EXT1: variants seen among roughly 807,000 people sequenced by gnomAD.
EXT1 encodes exostosin glycosyltransferase 1.
In EXT1, 20 loss-of-function variants were observed where a neutral mutation model predicts 82.5. That is an observed-to-expected ratio of 0.24 (90% CI 0.17 to 0.35). The LOEUF (loss-of-function observed/expected upper bound fraction) is 0.35. Ranked by LOEUF, EXT1 falls within the 10% of genes least tolerant of loss-of-function variation. The pLI, the probability that EXT1 is intolerant of heterozygous loss-of-function variation, is 1.00. For missense variants in EXT1, 757 were observed against 936.5 expected (o/e 0.81, Z 2.50); for synonymous variants, 348 against 350.8 (o/e 0.99, Z 0.09).
chr8:118,072,880 T>C (rs1362413131), intron 1 of EXT1, among the ~76,000 whole-genome samples: 3 of 152,222 alleles, frequency 2.0e-5, no homozygotes, highest in African/African-American at 4.8e-5. Context: ...GACTTACTAA[T>C]GGGTTACGGG....
intron 1 of EXT1, among the ~76,000 whole-genome samples, chr8:118,063,486 A>AC (rs1163182498): frequency 6.6e-6 from 1 of 152,264 alleles, no homozygotes; most frequent in Non-Finnish European, 1.5e-5. Context: ...CACAGTCTGG[A>AC]CAGAGGTGAA....
chr8:117,986,195 T>TC (rs11406378), intron 1 of EXT1, among the ~76,000 whole-genome samples: 1,506 of 147,144 alleles, frequency 0.01, 24 homozygotes, highest in African/African-American at 0.033. Flanking sequence ...TTCTTTTTTT[T>TC]TTTTTTTTTT....
chr8:117,839,469 C>T (rs558139353), intron 1 of EXT1, among the ~76,000 whole-genome samples: 11 of 152,116 alleles, frequency 7.2e-5, no homozygotes, highest in African/African-American at 1.7e-4. Flanking sequence ...TATATACATA[C>T]GTATCTGTTC....
intron 1 of EXT1, among the ~76,000 whole-genome samples, chr8:117,850,469 T>C (rs1047024894): frequency 2.0e-5 from 3 of 152,196 alleles, no homozygotes; most frequent in Admixed American, 2.0e-4. Flanking sequence ...TTTGGAATTA[T>C]AAAAGTTTTG....
At position 118,110,900 on chromosome 8, in the gene EXT1, G is replaced by A. The variant is rs1248782526; in HGVS notation, c.147C>T (p.Pro49=). 1 of 1,614,094 alleles carries A rather than the reference G, an allele frequency of 6.2e-7. No individual in the cohort carries two copies. ...EHSGRNGLHH[P]SPDHFWPRFP... ...AGCGGGGCCAGAAATGATCCGGACT[G>A]GGGTGGTGCAAGCCATTCCTACCGC... The change falls in exon 1 of 11, where the codon CCC becomes CCT. Residue 49 remains proline (P), a synonymous_variant. Transcript: ENST00000378204.
chr8:117,873,810 T>C (rs534668524), intron 1 of EXT1, among the ~76,000 whole-genome samples: 55 of 152,208 alleles, frequency 3.6e-4, no homozygotes, highest in African/African-American at 1.2e-3. Flanking sequence ...CCCAATAGGA[T>C]TGGGGTGATT....
chr8:118,086,124 G>A (rs915419825), intron 1 of EXT1, among the ~76,000 whole-genome samples: 3 of 152,152 alleles, frequency 2.0e-5, no homozygotes, highest in Non-Finnish European at 2.9e-5. Flanking sequence ...ATAAAAAGGT[G>A]GGAAGAGGAA....
At chr8:117,820,234 G>A (rs1426408832) in intron 5 of EXT1, among the ~76,000 whole-genome samples, 1 of 152,212 alleles carries the variant, frequency 6.6e-6, no homozygotes, top group African/African-American at 2.4e-5. Flanking sequence ...GGGAAAAAAG[G>A]TGAAAGGAAG....
At chr8:118,030,764 G>A (rs776928170) in intron 1 of EXT1, among the ~76,000 whole-genome samples, 1 of 152,182 alleles carries the variant, frequency 6.6e-6, no homozygotes, top group African/African-American at 2.4e-5. Context: ...TTACAGGCAT[G>A]AACCACCGTG....
intron 7 of EXT1, among the ~76,000 whole-genome samples, chr8:117,815,326 G>A (rs1043945190): frequency 6.6e-6 from 1 of 152,184 alleles, no homozygotes; most frequent in Admixed American, 6.5e-5. Flanking sequence ...ATTTTAAAAT[G>A]GAGAATGAGG....
chr8:117,969,243 C>T (rs539590675), intron 1 of EXT1, among the ~76,000 whole-genome samples: 115 of 152,268 alleles, frequency 7.6e-4, no homozygotes, highest in African/African-American at 2.6e-3. Flanking sequence ...CAAGAAGATC[C>T]TTTTATACTA....
chr8:118,098,338 C>T (rs1362457625), intron 1 of EXT1, among the ~76,000 whole-genome samples: 1 of 152,114 alleles, frequency 6.6e-6, no homozygotes, highest in East Asian at 1.9e-4. Context: ...CTCCCTTCTC[C>T]AAACCCTAAC....
At chr8:117,934,377 C>T (rs963254445) in intron 1 of EXT1, among the ~76,000 whole-genome samples, 1 of 152,198 alleles carries the variant, frequency 6.6e-6, no homozygotes, top group African/African-American at 2.4e-5. Context: ...AGGCGCAGTC[C>T]ATGCGCCTCT....
chr8:117,977,433 G>A (rs1387634237), intron 1 of EXT1, among the ~76,000 whole-genome samples: 3 of 150,142 alleles, frequency 2.0e-5, no homozygotes, highest in Non-Finnish European at 4.4e-5. Context: ...GGCCCACTCA[G>A]CAGAGACATC....
intron 1 of EXT1, among the ~76,000 whole-genome samples, chr8:117,868,561 C>T (rs1422559276): frequency 6.6e-6 from 1 of 152,154 alleles, no homozygotes. Flanking sequence ...AAGAAATCCT[C>T]CCACCTCAGC....
chr8:117,859,796 A>G (rs1333673380), intron 1 of EXT1, among the ~76,000 whole-genome samples: 8 of 152,250 alleles, frequency 5.3e-5, no homozygotes, highest in Admixed American at 5.2e-4. Flanking sequence ...TGGATTAAAT[A>G]AATGGTGGTA....
chr8:118,026,914 C>T (rs1816212696), intron 1 of EXT1, among the ~76,000 whole-genome samples: 1 of 152,104 alleles, frequency 6.6e-6, no homozygotes, highest in African/African-American at 2.4e-5. Flanking sequence ...GGTAATGACC[C>T]CATGCACAGC....
chr8:117,998,561 T>C (rs1167123710), intron 1 of EXT1, among the ~76,000 whole-genome samples: 3 of 152,226 alleles, frequency 2.0e-5, no homozygotes, highest in East Asian at 3.8e-4. Context: ...GTGCTGGGAT[T>C]ACAGGCATGA....
chr8:118,110,203 C>T lies in EXT1; in HGVS notation c.844G>A (p.Ala282Thr). ...TCCCCGTTATGGACGTGATATAAGG[C>T]ATTCCTGGTGTCTGATCCTATCCCT... ...LTGIGSDTRN[A>T]LYHVHNGEDV... The change falls in exon 1 of 11, where the codon GCC becomes ACC. Residue 282 changes from alanine (A) to threonine (T), a missense_variant. Physicochemically the swap from Ala to Thr is moderately conservative, Grantham distance 58. Transcript: ENST00000378204. The T allele has an allele frequency of 6.2e-7, 1 of 1,614,204 alleles. No homozygotes were observed. The highest frequency in any genetic ancestry group is 8.5e-7 in the Non-Finnish European group (1 of 1,180,042).
Sources: allele counts gnomAD v4.1 joint callset (sites outside exome capture counted in the v4.1 genomes callset), GRCh38; gene constraint gnomAD v4.1.1; transcripts MANE v1.5; gene names NCBI Gene and HGNC (gene_info 2026-07-23, HGNC 2026-07-21).